HLCS: variants seen among roughly 807,000 people sequenced by gnomAD.
The protein encoded by HLCS is biotin--protein ligase.
In HLCS, 53 loss-of-function variants were observed where a neutral mutation model predicts 75.0. That is an observed-to-expected ratio of 0.71 (90% CI 0.57 to 0.89). The LOEUF is 0.89. Ranked by LOEUF, HLCS falls within the 40% of genes least tolerant of loss-of-function variation. The pLI is 0.00. For synonymous variants in HLCS, 431 were observed against 428.6 expected, an observed-to-expected ratio of 1.01 and a Z score of -0.07; for missense variants, 966 against 1,074.0, an observed-to-expected ratio of 0.90 and a Z score of 1.41.
intron 6 of HLCS, among the ~76,000 whole-genome samples, chr21:36,834,943 G>A (rs2062356604): frequency 6.6e-6 from 1 of 152,200 alleles, no homozygotes; most frequent in African/African-American, 2.4e-5. Context: ...AGAAAGCAAT[G>A]AGCAGCAGGA....
chr21:36,750,438 C>A lies in HLCS; in HGVS notation c.*3808G>T, dbSNP rs934410256. On this transcript the variant is annotated 3_prime_UTR_variant, in exon 11 of 11. Coordinates refer to ENST00000674895, the MANE Select transcript of HLCS (RefSeq NM_001352514.2). ...GCAGTGGGCTGGGTGTGGAGGGCAGCGCGGAGGGTATCTGCAAGAGCCTGT... is the reference window on the plus strand; with the variant it reads ...GCAGTGGGCTGGGTGTGGAGGGCAGAGCGGAGGGTATCTGCAAGAGCCTGT... Among the ~76,000 whole-genome samples the A allele has an allele frequency of 6.6e-6, 1 of 152,130 alleles. No homozygotes were observed. The highest frequency in any genetic ancestry group is 1.5e-5 in the Non-Finnish European group (1 of 68,028).
chr21:36,917,263 T>A (rs2065972648), intron 5 of HLCS, among the ~76,000 whole-genome samples: 1 of 152,156 alleles, frequency 6.6e-6, no homozygotes, highest in South Asian at 2.1e-4. Flanking sequence ...AAAACAGCAA[T>A]GAAGAACACC....
At chr21:36,776,305 T>C (rs895737584) in intron 6 of HLCS, among the ~76,000 whole-genome samples, 3 of 152,314 alleles carry the variant, frequency 2.0e-5, no homozygotes, top group East Asian at 3.9e-4. Context: ...GCAGCCCTAA[T>C]GTCTCTGTAT....
At chr21:36,924,166 G>A (rs150959886) in intron 5 of HLCS, among the ~76,000 whole-genome samples, 114 of 152,280 alleles carry the variant, frequency 7.5e-4, no homozygotes, top group African/African-American at 2.6e-3. Flanking sequence ...TCAGAACTAG[G>A]ATTAAAAATA....
At chr21:36,832,799 G>C (rs2062258466) in intron 6 of HLCS, among the ~76,000 whole-genome samples, 1 of 152,168 alleles carries the variant, frequency 6.6e-6, no homozygotes, top group Non-Finnish European at 1.5e-5. Flanking sequence ...ATGTGTCCTT[G>C]AAGGTAGGTA....
chr21:36,829,794 C>T (rs185551409), intron 6 of HLCS, among the ~76,000 whole-genome samples: 3 of 152,184 alleles, frequency 2.0e-5, no homozygotes, highest in Non-Finnish European at 4.4e-5. Context: ...GTGAAGCCAG[C>T]CCCTCTCCCC....
At chr21:36,782,261 T>A (rs907109471) in intron 6 of HLCS, among the ~76,000 whole-genome samples, 3 of 152,150 alleles carry the variant, frequency 2.0e-5, no homozygotes, top group Non-Finnish European at 2.9e-5. Flanking sequence ...TAAAAAAAAA[T>A]TTCTGCCAAT....
intron 6 of HLCS, among the ~76,000 whole-genome samples, chr21:36,888,850 T>C (rs1283424187): frequency 6.6e-6 from 1 of 151,848 alleles, no homozygotes; most frequent in Non-Finnish European, 1.5e-5. Flanking sequence ...CCTACTAGAT[T>C]ACGAGCTCTA....
intron 6 of HLCS, among the ~76,000 whole-genome samples, chr21:36,871,188 G>T (rs2063757408): frequency 6.6e-6 from 1 of 152,090 alleles, no homozygotes; most frequent in Non-Finnish European, 1.5e-5. Context: ...TACAAATTTA[G>T]ATTTTTAAAA....
chr21:36,841,502 C>G (rs1211264498), intron 6 of HLCS, among the ~76,000 whole-genome samples: 1 of 152,224 alleles, frequency 6.6e-6, no homozygotes, highest in Non-Finnish European at 1.5e-5. Context: ...CATAACGCAA[C>G]TTTTGTGGAA....
chr21:36,932,407 C>T (rs1361803679), intron 4 of HLCS, among the ~76,000 whole-genome samples: 1 of 152,184 alleles, frequency 6.6e-6, no homozygotes, highest in South Asian at 2.1e-4. Context: ...GGAAGGCATA[C>T]GATTTCTTGG....
At chr21:36,796,333 C>G (rs972846384) in intron 6 of HLCS, among the ~76,000 whole-genome samples, 1 of 152,020 alleles carries the variant, frequency 6.6e-6, no homozygotes, top group African/African-American at 2.4e-5. Flanking sequence ...TATGGGTGGG[C>G]AAAATGAGGA....
At chr21:36,862,596 G>GT (rs958558428) in intron 6 of HLCS, among the ~76,000 whole-genome samples, 2 of 152,136 alleles carry the variant, frequency 1.3e-5, no homozygotes, top group Non-Finnish European at 2.9e-5. Flanking sequence ...ATTTTCTTAG[G>GT]TTTTTTGGGT....
At chr21:36,947,410 C>A (rs1325453116) in intron 2 of HLCS, 1 of 985,294 alleles carries the variant, frequency 1.0e-6, no homozygotes, top group Admixed American at 6.1e-5. Context: ...GCGCTGGGTG[C>A]TCCGATCAAA....
chr21:36,810,569 C>T (rs1428597578), intron 6 of HLCS, among the ~76,000 whole-genome samples: 2 of 152,170 alleles, frequency 1.3e-5, no homozygotes, highest in African/African-American at 4.8e-5. Context: ...TCTGCTCACT[C>T]TCAATGGCTT....
intron 5 of HLCS, among the ~76,000 whole-genome samples, chr21:36,924,947 T>C (rs1010607043): frequency 3.9e-5 from 6 of 152,066 alleles, no homozygotes; most frequent in Non-Finnish European, 8.8e-5. Flanking sequence ...TATCAAATCA[T>C]CATGCTGCAT....
intron 5 of HLCS, among the ~76,000 whole-genome samples, chr21:36,915,928 G>C (rs576399915): frequency 6.6e-6 from 1 of 152,150 alleles, no homozygotes; most frequent in East Asian, 1.9e-4. Flanking sequence ...CAAGGAAGCA[G>C]CTCCCAATCC....
At chr21:36,946,916 G>A (rs1425899623) in intron 2 of HLCS, among the ~76,000 whole-genome samples, 4 of 152,164 alleles carry the variant, frequency 2.6e-5, no homozygotes, top group South Asian at 2.1e-4. Flanking sequence ...CAGAGAGTTC[G>A]TTGATTTCAG....
At chr21:36,784,308 C>T (rs1042198437) in intron 6 of HLCS, among the ~76,000 whole-genome samples, 3 of 137,134 alleles carry the variant, frequency 2.2e-5, no homozygotes, top group Non-Finnish European at 3.1e-5. Flanking sequence ...AGAAATACCA[C>T]CTCTTTTTTT....
Sources: allele counts gnomAD v4.1 joint callset (sites outside exome capture counted in the v4.1 genomes callset), GRCh38; gene constraint gnomAD v4.1.1; transcripts MANE v1.5; gene names NCBI Gene and HGNC (gene_info 2026-07-23, HGNC 2026-07-21).